Variants in DAB1 observed in about 807,000 individuals in gnomAD.
The protein encoded by DAB1 is DAB adaptor protein 1.
A neutral mutation model predicts 64.6 loss-of-function variants in DAB1; 15 were observed. That is an observed-to-expected ratio of 0.23 (90% CI 0.16 to 0.36). The LOEUF is 0.36. DAB1 is among the 10% of genes least tolerant of loss of function. The pLI is 1.00. For synonymous variants in DAB1, 235 were observed against 251.9 expected, an observed-to-expected ratio of 0.93 and a Z score of 0.64; for missense variants, 596 against 706.7, an observed-to-expected ratio of 0.84 and a Z score of 1.78.
chr1:57,418,238 T>G (rs2101078856), intron 1 of DAB1, among the ~76,000 whole-genome samples: 2 of 152,280 alleles, frequency 1.3e-5, no homozygotes, highest in South Asian at 4.1e-4. Context: ...TCCCAGATTC[T>G]CTCAATGCAT....
intron 2 of DAB1, among the ~76,000 whole-genome samples, chr1:57,232,363 A>G (rs958167178): frequency 3.8e-4 from 50 of 133,304 alleles, no homozygotes; most frequent in African/African-American, 1.4e-3. Flanking sequence ...TGATTTCTGT[A>G]TTAGCTTCAT....
intron 2 of DAB1, among the ~76,000 whole-genome samples, chr1:57,271,822 C>T (rs1671022812): frequency 6.6e-6 from 1 of 152,178 alleles, no homozygotes; most frequent in Admixed American, 6.5e-5. Context: ...ACAGGGTGGG[C>T]TGTAATCACT....
At chr1:58,370,340 T>C (rs1644252766) in intron 3 of DAB1, among the ~76,000 whole-genome samples, 2 of 151,528 alleles carry the variant, frequency 1.3e-5, no homozygotes, top group African/African-American at 2.4e-5. Flanking sequence ...CTTTACAATA[T>C]AAAAAGATAC....
chr1:58,158,900 C>A (rs1570429469), intron 4 of DAB1, among the ~76,000 whole-genome samples: 1 of 152,114 alleles, frequency 6.6e-6, no homozygotes, highest in Non-Finnish European at 1.5e-5. Flanking sequence ...GGGTGAGAAA[C>A]CCTAATGATT....
chr1:57,587,642 C>A (rs1367116362), intron 7 of DAB1, among the ~76,000 whole-genome samples: 1 of 152,206 alleles, frequency 6.6e-6, no homozygotes, highest in East Asian at 1.9e-4. Flanking sequence ...GGATTTACTG[C>A]TCCAGCCACT....
chr1:57,862,998 G>A (rs541712510), intron 1 of DAB1: 1 of 152,282 alleles, frequency 6.6e-6, no homozygotes, highest in South Asian at 2.1e-4. Flanking sequence ...TAGCAGCTTT[G>A]TGATAATTGC....
intron 6 of DAB1, among the ~76,000 whole-genome samples, chr1:57,769,117 C>T (rs2101828085): frequency 6.6e-6 from 1 of 152,238 alleles, no homozygotes; most frequent in South Asian, 2.1e-4. Context: ...TAGCAGAGGG[C>T]CTGCTGCATG....
intron 4 of DAB1, among the ~76,000 whole-genome samples, chr1:58,288,142 G>A (rs1170769625): frequency 3.3e-5 from 5 of 151,082 alleles, no homozygotes; most frequent in Admixed American, 3.3e-4. Context: ...ACCTCAAATA[G>A]TATACACAAA....
At chr1:57,616,594 G>A (rs1251022847) in intron 7 of DAB1, among the ~76,000 whole-genome samples, 2 of 152,106 alleles carry the variant, frequency 1.3e-5, no homozygotes, top group Non-Finnish European at 2.9e-5. Context: ...TATAATGGCA[G>A]CGCAGGCATT....
intron 1 of DAB1, among the ~76,000 whole-genome samples, chr1:57,851,303 C>A (rs1327220039): frequency 6.6e-6 from 1 of 152,200 alleles, no homozygotes; most frequent in Non-Finnish European, 1.5e-5. Context: ...TTTCCTGATT[C>A]TTGGTCTGTA....
intron 1 of DAB1, among the ~76,000 whole-genome samples, chr1:57,296,121 T>C (rs931581099): frequency 4.6e-5 from 7 of 152,110 alleles, no homozygotes; most frequent in African/African-American, 1.7e-4. Flanking sequence ...TTCGATGTTC[T>C]ATAGAATGGA....
rs181235237 is a variant in DAB1 at position 57,793,182 on chromosome 1, C to T, written n.551+90817G>A. 2.1e-3 allele frequency among the ~76,000 whole-genome samples: 326 copies of T among 152,280 alleles called. 2 individuals are homozygous for T. The highest frequency in any genetic ancestry group is 7.6e-3 in the African/African-American group (314 of 41,558). On this transcript the variant is annotated intron_variant and non_coding_transcript_variant, in intron 6 of 20. Coordinates refer to the DAB1 transcript ENST00000485760. ...CAAGGTACAGAACAGAGTGCATAGC[C>T]TCTAGTAGGCAGAGAAAATAAACGA...
At chr1:57,917,604 C>T (rs969768102) in intron 5 of DAB1, among the ~76,000 whole-genome samples, 6 of 151,848 alleles carry the variant, frequency 4.0e-5, no homozygotes, top group African/African-American at 1.5e-4. Context: ...AGACATGTAC[C>T]TTGACAGGTG....
At chr1:57,404,139 A>G (rs1316793545) in intron 1 of DAB1, among the ~76,000 whole-genome samples, 1 of 152,238 alleles carries the variant, frequency 6.6e-6, no homozygotes, top group African/African-American at 2.4e-5. Context: ...TACAAAGAGA[A>G]GGGTATATTA....
intron 3 of DAB1, among the ~76,000 whole-genome samples, chr1:58,500,765 G>C (rs1645893790): frequency 6.6e-6 from 1 of 152,112 alleles, no homozygotes; most frequent in African/African-American, 2.4e-5. Context: ...CCAACAAAGA[G>C]GGGATGGTGG....
chr1:58,473,272 G>A (rs545314452), intron 3 of DAB1, among the ~76,000 whole-genome samples: 5 of 152,314 alleles, frequency 3.3e-5, no homozygotes, highest in African/African-American at 1.2e-4. Flanking sequence ...GCCGGGCGCG[G>A]TGGCTCACGC....
At chr1:58,006,543 G>A (rs926110975) in intron 5 of DAB1, among the ~76,000 whole-genome samples, 2 of 152,160 alleles carry the variant, frequency 1.3e-5, no homozygotes, top group African/African-American at 4.8e-5. Context: ...CAAGGCATGA[G>A]GTCCTGTCTT....
intron 7 of DAB1, among the ~76,000 whole-genome samples, chr1:57,455,349 C>T (rs1280656056): frequency 5.3e-5 from 8 of 152,088 alleles, no homozygotes; most frequent in Non-Finnish European, 8.8e-5. Flanking sequence ...CCCAAATTTA[C>T]AGATGAGGAA....
intron 1 of DAB1, among the ~76,000 whole-genome samples, chr1:57,849,560 A>G (rs1162327024): frequency 6.6e-6 from 1 of 152,120 alleles, no homozygotes; most frequent in Admixed American, 6.5e-5. Context: ...AGGCAAGGAG[A>G]ACTTGAGAAA....
Sources: allele counts gnomAD v4.1 joint callset (sites outside exome capture counted in the v4.1 genomes callset), GRCh38; gene constraint gnomAD v4.1.1; transcripts MANE v1.5; gene names NCBI Gene and HGNC (gene_info 2026-07-23, HGNC 2026-07-21).